Variants in ERGIC2 observed in about 807,000 individuals in gnomAD.
The protein encoded by ERGIC2 is endoplasmic reticulum-Golgi intermediate compartment protein 2.
Under a neutral mutation model 52.5 loss-of-function variants are expected in ERGIC2, and 31 were observed. That is an observed-to-expected ratio of 0.59 (90% CI 0.44 to 0.80). The LOEUF is 0.80. Among genes scored for constraint, ERGIC2 ranks in the 30% least tolerant of loss-of-function variants. The pLI, the probability that ERGIC2 is intolerant of heterozygous loss-of-function variation, is 0.00. For synonymous variants in ERGIC2, 129 were observed against 140.6 expected, an observed-to-expected ratio of 0.92 and a Z score of 0.58; for missense variants, 395 against 455.2, an observed-to-expected ratio of 0.87 and a Z score of 1.20.
intron 10 of ERGIC2, among the ~76,000 whole-genome samples, chr12:29,347,921 C>A (rs1158547106): frequency 1.3e-5 from 2 of 152,106 alleles, no homozygotes; most frequent in Non-Finnish European, 2.9e-5. Context: ...TGAAAATTGA[C>A]CTGTTTATAT....
At chr12:29,363,218 A>G (rs1194226978) in intron 5 of ERGIC2, among the ~76,000 whole-genome samples, 2 of 152,172 alleles carry the variant, frequency 1.3e-5, no homozygotes, top group Admixed American at 1.3e-4. Context: ...CCTTTTAAAA[A>G]TTCTTCTTGT....
chr12:29,357,276 C>A (rs567341295), intron 7 of ERGIC2, among the ~76,000 whole-genome samples: 48 of 152,026 alleles, frequency 3.2e-4, no homozygotes, highest in Non-Finnish European at 6.0e-4. Context: ...AGCCTCTAAT[C>A]TTTAATTAAA....
At chr12:29,370,634 T>C (rs1328565667) in intron 2 of ERGIC2, among the ~76,000 whole-genome samples, 1 of 151,956 alleles carries the variant, frequency 6.6e-6, no homozygotes, top group Non-Finnish European at 1.5e-5. Flanking sequence ...TCCATGTCTA[T>C]AAATATAATT....
At chr12:29,343,421 C>A in intron 11 of ERGIC2, 139 bp from the exon 12 acceptor site, 1 of 532,606 alleles carries the variant, frequency 1.9e-6, no homozygotes, top group Non-Finnish European at 3.2e-6. Flanking sequence ...TCCTTATGAA[C>A]TGTCCTACTA....
intron 1 of ERGIC2, among the ~76,000 whole-genome samples, chr12:29,379,603 C>A (rs1489598593): frequency 6.6e-6 from 1 of 152,146 alleles, no homozygotes; most frequent in Admixed American, 6.5e-5. Context: ...AGCTAACATG[C>A]ATTGAGTGTT....
In ERGIC2 at chr12:29,350,051, C is replaced by T. The variant is rs761483514; in HGVS notation, c.590G>A (p.Arg197His). Residue 197 changes from arginine (R) to histidine (H), a missense_variant, in exon 9 of 14, where the codon CGT (arginine) becomes CAT (histidine). Physicochemically the swap from Arg to His is conservative, Grantham distance 29 (BLOSUM62 0). Transcript: ENST00000360150. ...AAGTGCTGCCAAATGTGCATGACCA[C>T]GAGGATGTGGAATTGCCCTGAAAGG... ...ITVGKAIPHP[R>H]GHAHLAALVN... 8.7e-6 allele frequency: 14 copies of T among 1,605,744 alleles called. No individual in the cohort carries two copies. Among genetic ancestry groups the T allele is most frequent in the African/African-American group, 2.7e-5 (2 of 74,672 alleles).
rs759518875 is a variant in ERGIC2 at position 29,370,098 on chromosome 12, GA to G, written c.215+15del. 40 of 1,486,326 alleles carry G rather than the reference GA, an allele frequency of 2.7e-5. No individual in the cohort carries two copies. Among genetic ancestry groups the G allele is most frequent in the Admixed American group, 1.1e-4 (4 of 36,230 alleles). The allele number at this position is 1,486,326 out of a possible 1,614,324, so 92.1% of individuals were successfully genotyped here. A position where few individuals can be genotyped will look rare whatever the true frequency, so the allele number is the denominator to read the frequency against. On this transcript the variant is annotated intron_variant, in intron 3 of 13. Coordinates refer to ENST00000360150, the MANE Select transcript of ERGIC2 (RefSeq NM_016570.3). ...TTTGAATCTAAAGGTATTCCAAGAA[GA>G]AAAAAAATGATTACCTAGAAAAATC...
intron 7 of ERGIC2, 104 bp downstream of exon 7, chr12:29,357,519 T>C (rs930659113): frequency 1.2e-5 from 8 of 675,056 alleles, no homozygotes; most frequent in African/African-American, 9.0e-5. Flanking sequence ...TATTTTCCCT[T>C]CCTAAGAAAA....
At position 29,356,491 on chromosome 12, in the gene ERGIC2, A is replaced by G; in HGVS notation, c.477-14T>C. On this transcript the variant is annotated splice_polypyrimidine_tract_variant and intron_variant, in intron 7 of 13. Coordinates refer to ENST00000360150, the MANE Select transcript of ERGIC2 (RefSeq NM_016570.3). ...GAATCATCTTCTCTGTTAAAATAAG[A>G]TATATTATTTAAAGCACATTCAATA... 7.0e-7 allele frequency: 1 copy of G among 1,435,712 alleles called. No individual in the cohort carries two copies. The highest frequency in any genetic ancestry group is 9.8e-7 in the Non-Finnish European group (1 of 1,019,302). The allele number at this position is 1,435,712 out of a possible 1,614,324, so 88.9% of individuals were successfully genotyped here.
chr12:29,343,065 A>T, intron 12 of ERGIC2, 55 bp downstream of exon 12: 1 of 1,442,482 alleles, frequency 6.9e-7, no homozygotes, highest in South Asian at 1.4e-5. Context: ...AGAAGAAGCA[A>T]CTTAAGTATA....
rs1408943937 is a variant in ERGIC2, at chr12:29,337,846, T to TG, written c.*3309dup. 2.0e-5 allele frequency: 3 copies of TG among 152,136 alleles called. No individual in the cohort carries two copies. The highest frequency in any genetic ancestry group is 4.4e-5 in the Non-Finnish European group (3 of 68,026). 9.4% of individuals were successfully genotyped at this position (152,136 alleles called of 1,614,324 possible). A position where few individuals can be genotyped will look rare whatever the true frequency, so the allele number is the denominator to read the frequency against. ...TTGAATTACTAACTCAGGACATAGATGGAATGCACAGTGTATCTCTCTTAC... is the reference window on the plus strand; with the variant it reads ...TTGAATTACTAACTCAGGACATAGATGGGAATGCACAGTGTATCTCTCTTAC... On this transcript the variant is annotated 3_prime_UTR_variant, in exon 14 of 14. Transcript: ENST00000360150.
intron 5 of ERGIC2, among the ~76,000 whole-genome samples, chr12:29,363,221 C>A (rs1374952259): frequency 6.6e-6 from 1 of 152,036 alleles, no homozygotes; most frequent in African/African-American, 2.4e-5. Context: ...TTTAAAAATT[C>A]TTCTTGTCTT....
Position 29,373,698 on chromosome 12 carries a change from T to C in ERGIC2, c.-37-2028A>G, listed in dbSNP as rs73067452. Among the ~76,000 whole-genome samples the C allele has an allele frequency of 9.2e-3, 1,398 of 152,244 alleles. 20 individuals are homozygous for C. Among genetic ancestry groups the C allele is most frequent in the Middle Eastern group, 0.034 (10 of 294 alleles). ...TGCCATTAAAATCAACCAACTAAAC[T>C]TCCCTTGCTGGTTCCACACTCACAA... is the stretch of plus-strand genomic sequence containing the variant. On this transcript the variant is annotated intron_variant, in intron 1 of 13. Coordinates refer to ENST00000360150, the MANE Select transcript of ERGIC2 (RefSeq NM_016570.3).
At chr12:29,370,628 T>A (rs1344316409) in intron 2 of ERGIC2, among the ~76,000 whole-genome samples, 1 of 151,928 alleles carries the variant, frequency 6.6e-6, no homozygotes, top group Non-Finnish European at 1.5e-5. Context: ...AATGCATCCA[T>A]GTCTATAAAT....
chr12:29,355,000 C>T (rs1052915463), intron 8 of ERGIC2, among the ~76,000 whole-genome samples: 2 of 152,118 alleles, frequency 1.3e-5, no homozygotes, highest in African/African-American at 4.8e-5. Context: ...AATGTTTGAT[C>T]TGAGTATTGT....
intron 5 of ERGIC2, 48 bp downstream of exon 5, chr12:29,366,829 C>A: frequency 8.6e-7 from 1 of 1,163,344 alleles, no homozygotes; most frequent in East Asian, 2.4e-5. Context: ...TTCAAGCGTA[C>A]GATTCCTCAA....
In ERGIC2 at chr12:29,366,954, A is replaced by G. The variant is rs748551079; in HGVS notation, c.263-7T>C. The G allele has an allele frequency of 8.8e-6, 14 of 1,583,726 alleles. No homozygotes were observed. The East Asian group carries it at 3.2e-4, about 36-fold the overall frequency. ...AATACATCCGCTCCAACATCTGCATAGAAAAAAGAATTAGAAGTTTTACAT... is the reference window on the plus strand; with the variant it reads ...AATACATCCGCTCCAACATCTGCATGGAAAAAAGAATTAGAAGTTTTACAT... On this transcript the variant is annotated splice_region_variant and splice_polypyrimidine_tract_variant and intron_variant, in intron 4 of 13. Transcript: ENST00000360150.
rs944301227 is a variant in ERGIC2, at chr12:29,341,371, A to C, written c.1072-153T>G. Among the ~76,000 whole-genome samples, 4 of 151,004 alleles carry C rather than the reference A, an allele frequency of 2.6e-5. No homozygotes were observed. The East Asian group carries it at 5.9e-4, about 22-fold the overall frequency. On this transcript the variant is annotated intron_variant, in intron 13 of 13. Transcript: ENST00000360150. ...TCTCCCCCTATTTCTCTATCTCTCT[A>C]TCTCTATCTTTTTTGAGGCAGGGTC...
chr12:29,340,589 T>C lies in ERGIC2; in HGVS notation c.*567A>G. ...GTAGTTACTTTTTAAGACCAAATTA[T>C]TGGATAACTGGTCTTGTCAATATGG... On this transcript the variant is annotated 3_prime_UTR_variant, in exon 14 of 14. Transcript: ENST00000360150. 1 of 189,616 alleles carries C rather than the reference T, an allele frequency of 5.3e-6. No individual in the cohort carries two copies. The highest frequency in any genetic ancestry group is 1.1e-5 in the Non-Finnish European group (1 of 92,056). The allele number at this position is 189,616 out of a possible 1,614,324, so 11.7% of individuals were successfully genotyped here. A position where few individuals can be genotyped will look rare whatever the true frequency, so the allele number is the denominator to read the frequency against.
Sources: gnomAD v4.1 joint callset for allele counts (sites outside exome capture counted in the v4.1 genomes callset) on GRCh38, gnomAD v4.1.1 for gene constraint, MANE v1.5 for transcripts, NCBI Gene and HGNC (gene_info 2026-07-23, HGNC 2026-07-21) for gene names.